PTPDC1: variants seen among roughly 807,000 people sequenced by gnomAD.
The protein encoded by PTPDC1 is protein tyrosine phosphatase domain-containing protein 1.
In PTPDC1, 53 loss-of-function variants were observed where a neutral mutation model predicts 75.3. The observed-to-expected ratio is 0.70, with a 90% CI of 0.56 to 0.88. The LOEUF is 0.88. Ranked by LOEUF, PTPDC1 falls within the 40% of genes least tolerant of loss-of-function variation. The pLI is 0.00. For missense variants in PTPDC1, 925 were observed against 998.6 expected (o/e 0.93, Z 0.99); for synonymous variants, 349 against 366.2 (o/e 0.95, Z 0.54).
intron 5 of PTPDC1, among the ~76,000 whole-genome samples, chr9:94,097,119 A>G (rs1027695998): frequency 6.6e-6 from 1 of 152,230 alleles, no homozygotes; most frequent in African/African-American, 2.4e-5. Flanking sequence ...GACATTTAAT[A>G]AAGTTCTGTG....
chr9:94,075,867 T>G (rs1311933425), intron 2 of PTPDC1, among the ~76,000 whole-genome samples: 1 of 152,240 alleles, frequency 6.6e-6, no homozygotes, highest in Admixed American at 6.5e-5. Context: ...TTCACCCATT[T>G]AAAGTACCAA....
upstream of PTPDC1, among the ~76,000 whole-genome samples, chr9:94,080,189 G>A (rs1023094466): frequency 2.0e-5 from 3 of 152,190 alleles, no homozygotes; most frequent in Non-Finnish European, 4.4e-5. Flanking sequence ...GATGAGAGAG[G>A]CATCCACATG....
chr9:94,065,899 C>T (rs1826286690), intron 2 of PTPDC1, among the ~76,000 whole-genome samples: 1 of 152,206 alleles, frequency 6.6e-6, no homozygotes, highest in Admixed American at 6.5e-5. Context: ...GGCTGCTTCC[C>T]TTCTAGAATA....
intron 4 of PTPDC1, among the ~76,000 whole-genome samples, chr9:94,094,431 C>G (rs534919709): frequency 5.3e-5 from 8 of 152,218 alleles, no homozygotes; most frequent in Admixed American, 3.3e-4. Context: ...GCAGTCTGCC[C>G]GTTCTCAGAT....
At chr9:94,074,129 C>G (rs1826599677) in intron 2 of PTPDC1, among the ~76,000 whole-genome samples, 1 of 152,180 alleles carries the variant, frequency 6.6e-6, no homozygotes, top group Admixed American at 6.5e-5. Flanking sequence ...CAACTGTATT[C>G]TGGACATTTT....
chr9:94,037,125 A>T (rs186947955), intron 1 of PTPDC1, among the ~76,000 whole-genome samples: 19 of 152,352 alleles, frequency 1.2e-4, no homozygotes, highest in Admixed American at 1.2e-3. Context: ...CTTTGCAGTC[A>T]ATCTTAATGT....
chr9:94,052,714 A>G (rs888089645), intron 1 of PTPDC1, among the ~76,000 whole-genome samples: 3 of 152,134 alleles, frequency 2.0e-5, no homozygotes, highest in Non-Finnish European at 4.4e-5. Context: ...TGTTTTTGCC[A>G]TATGGATTTT....
intron 6 of PTPDC1, chr9:94,101,359 GA>G: frequency 2.3e-6 from 1 of 432,410 alleles, no homozygotes. Context: ...TTCATAGAGA[GA>G]AACTGGGGCT....
upstream of PTPDC1, among the ~76,000 whole-genome samples, chr9:94,080,611 A>G (rs1425917617): frequency 6.6e-6 from 1 of 152,208 alleles, no homozygotes; most frequent in Non-Finnish European, 1.5e-5. Context: ...GAGTCTAATC[A>G]TGAGGAAACT....
intron 5 of PTPDC1, among the ~76,000 whole-genome samples, chr9:94,096,507 C>T (rs1418078324): frequency 6.6e-6 from 1 of 151,998 alleles, no homozygotes; most frequent in Non-Finnish European, 1.5e-5. Flanking sequence ...ATTTGATTTG[C>T]CTTTTACTTT....
chr9:94,036,362 T>C (rs1314270493), intron 1 of PTPDC1, among the ~76,000 whole-genome samples: 1 of 152,170 alleles, frequency 6.6e-6, no homozygotes, highest in Admixed American at 6.5e-5. Flanking sequence ...ATAATTTTTG[T>C]AAGTGGTGTA....
chr9:94,071,900 T>A (rs543133492), intron 2 of PTPDC1, among the ~76,000 whole-genome samples: 1 of 152,384 alleles, frequency 6.6e-6, no homozygotes, highest in South Asian at 2.1e-4. Flanking sequence ...ATCTTTGATT[T>A]ATTTCATCAG....
chr9:94,068,164 T>G (rs1826381166), intron 2 of PTPDC1, among the ~76,000 whole-genome samples: 1 of 152,200 alleles, frequency 6.6e-6, no homozygotes, highest in African/African-American at 2.4e-5. Flanking sequence ...TTTGTGATGT[T>G]AATTTTTTTA....
At chr9:94,032,342 T>C (rs1829744086) in intron 1 of PTPDC1, among the ~76,000 whole-genome samples, 1 of 152,200 alleles carries the variant, frequency 6.6e-6, no homozygotes, top group Admixed American at 6.5e-5. Flanking sequence ...ATGATTCCCA[T>C]ATTGGTGACC....
chr9:94,102,102 T>C (rs1479788293), intron 7 of PTPDC1, among the ~76,000 whole-genome samples: 1 of 151,450 alleles, frequency 6.6e-6, no homozygotes, highest in African/African-American at 2.4e-5. Flanking sequence ...GTGAATAATG[T>C]AAGCTTTTCA....
At chr9:94,034,989 A>G (rs1351601974) in intron 1 of PTPDC1, among the ~76,000 whole-genome samples, 2 of 152,244 alleles carry the variant, frequency 1.3e-5, no homozygotes, top group Admixed American at 1.3e-4. Context: ...TTTAAAATGT[A>G]TATGATTCAT....
Position 94,095,367 on chromosome 9 carries a change from AC to A in PTPDC1, c.668del (p.Thr223IlefsTer3). 1 of 1,612,462 alleles carries A rather than the reference AC, an allele frequency of 6.2e-7. No individual in the cohort carries two copies. Among genetic ancestry groups the A allele is most frequent in the Non-Finnish European group, 8.5e-7 (1 of 1,178,570 alleles). Reference sequence around the variant, plus strand: ...GGATTATGGTGTAGCGTCTCTTACTACTATCCTAGATATGGTGAAGGTGATG... The same window carrying A: ...GGATTATGGTGTAGCGTCTCTTACTATATCCTAGATATGGTGAAGGTGATG... ...WKDYGVASLTTILDMVKVMTF... is the reference protein window; with the variant it reads ...WKDYGVASLTXILDMVKVMTF... On this transcript the variant is annotated frameshift_variant, in exon 5 of 9. Coordinates refer to ENST00000620992, the MANE Select transcript of PTPDC1 (RefSeq NM_001253829.2). LOFTEE classifies it high-confidence loss of function.
chr9:94,092,077 G>C (rs150675979), intron 4 of PTPDC1, among the ~76,000 whole-genome samples: 4 of 149,532 alleles, frequency 2.7e-5, no homozygotes, highest in Admixed American at 2.0e-4. Context: ...TTGTGTCTCT[G>C]TTTCCTTCAG....
rs1463712440 is a variant in PTPDC1, at chr9:94,098,510, CA to C, written c.1947del (p.Ala650ProfsTer2). The C allele has an allele frequency of 6.2e-7, 1 of 1,613,912 alleles. No homozygotes were observed. Among genetic ancestry groups the C allele is most frequent in the African/African-American group, 1.3e-5 (1 of 74,890 alleles). Reference protein sequence around the residue: ...SAEARRILAAKALANLNESVE... With the variant: ...SAEARRILAAXALANLNESVE... ...CTGAGGCAAGAAGAATACTGGCGGC[CA>C]AAGCCCTAGCAAATTTAAATGAATC... On this transcript the variant is annotated frameshift_variant, in exon 6 of 9. Coordinates refer to ENST00000620992, the MANE Select transcript of PTPDC1 (RefSeq NM_001253829.2). LOFTEE classifies it high-confidence loss of function.
Sources: gnomAD v4.1 joint callset for allele counts (sites outside exome capture counted in the v4.1 genomes callset) on GRCh38, gnomAD v4.1.1 for gene constraint, MANE v1.5 for transcripts, NCBI Gene and HGNC (gene_info 2026-07-23, HGNC 2026-07-21) for gene names.